UMOD: variants seen among roughly 807,000 people sequenced by gnomAD.
UMOD encodes Tamm-Horsfall urinary glycoprotein.
Under a neutral mutation model 66.0 loss-of-function variants are expected in UMOD, and 64 were observed. That is an observed-to-expected ratio of 0.97 (90% confidence interval 0.79 to 1.19). The LOEUF (loss-of-function observed/expected upper bound fraction) is 1.19, where lower values mean the gene tolerates loss of function less well. UMOD is among the 50% of genes most tolerant of loss of function. The pLI is 0.00. For synonymous variants in UMOD, 398 were observed against 352.7 expected (o/e 1.13, Z -1.44); for missense variants, 764 against 850.9 (o/e 0.90, Z 1.27).
upstream of UMOD, chr16:20,352,968 T>A: frequency 2.7e-6 from 1 of 374,770 alleles, no homozygotes; most frequent in Admixed American, 4.6e-5. Context: ...GTTTCGCACC[T>A]TCTAACAGCA....
chr16:20,350,823 C>G lies in UMOD; in HGVS notation c.-86G>C. On this transcript the variant is annotated 5_prime_UTR_variant, in exon 2 of 11. Transcript: ENST00000396138. ...TGGCCCTTTGAATTTTTCTCTCTGT[C>G]TCTGATGTCTGGTGTCCTGTGAACA... 1 of 1,586,118 alleles carries G rather than the reference C, an allele frequency of 6.3e-7. No individual in the cohort carries two copies. The highest frequency in any genetic ancestry group is 8.6e-7 in the Non-Finnish European group (1 of 1,166,572).
At position 20,346,207 on chromosome 16, in the gene UMOD, C is replaced by T. The variant is rs528844779; in HGVS notation, c.1101G>A (p.Ser367=). Residue 367 remains serine (S), a synonymous_variant, in exon 5 of 11, where the codon TCG becomes TCA. Transcript: ENST00000396138. ...VFMYLSDSRC[S]GFNDRDNRDW... is the part of the protein sequence containing the mutation. The stretch of plus-strand genomic sequence containing the variant: ...CCCGGTTGTCTCTGTCATTGAAGCC[C>T]GAGCACCGGCTGTCACTCAGGTACA... 2.6e-5 allele frequency: 42 copies of T among 1,614,118 alleles called. No homozygotes were observed. The highest frequency in any genetic ancestry group is 8.9e-5 in the East Asian group (4 of 44,890).
rs138117683 is a variant in UMOD at position 20,341,225 on chromosome 16, A to C, written c.1443T>G (p.Thr481=). The C allele has an allele frequency of 1.2e-6, 2 of 1,614,122 alleles. No individual in the cohort carries two copies. Among genetic ancestry groups the C allele is most frequent in the Non-Finnish European group, 1.7e-6 (2 of 1,180,026 alleles). The change falls in exon 7 of 11, where the codon ACT becomes ACG. Residue 481 remains threonine, a synonymous_variant. Coordinates refer to ENST00000396138, the MANE Select transcript of UMOD (RefSeq NM_003361.4). ...TGGTGCCCACGTAGAGAAAAGCCTC[A>C]GTGGACAGTGTCACGGAGGAGCCTT... ...PYQGSSVTLS[T]EAFLYVGTML... is the part of the protein sequence containing the mutation.
intron 5 of UMOD, among the ~76,000 whole-genome samples, chr16:20,345,432 T>TTC (rs1478368774): frequency 0.085 from 5,389 of 63,102 alleles, 143 homozygotes; most frequent in African/African-American, 0.12. Flanking sequence ...TTCTTTCTCT[T>TTC]TCTTTCTTTC....
chr16:20,346,368 T>G, intron 4 of UMOD, 34 bp from the exon 5 acceptor site: 1 of 1,612,152 alleles, frequency 6.2e-7, no homozygotes, highest in Non-Finnish European at 8.5e-7. Flanking sequence ...AGGACGTGTG[T>G]CTATAGCTTG....
At chr16:20,341,360 A>G in intron 6 of UMOD, 24 bp from the exon 7 acceptor site, 1 of 1,611,756 alleles carries the variant, frequency 6.2e-7, no homozygotes, top group African/African-American at 1.3e-5. Context: ...AGGGTTGGTG[A>G]GAGGACCGGG....
chr16:20,345,839 G>C (rs1965552286), intron 5 of UMOD, among the ~76,000 whole-genome samples: 1 of 152,062 alleles, frequency 6.6e-6, no homozygotes, highest in South Asian at 2.1e-4. Context: ...TTTCCCATCT[G>C]TAAAATGGAG....
intron 5 of UMOD, among the ~76,000 whole-genome samples, chr16:20,345,403 TCTTTCTTTC>T (rs1567306414): frequency 2.7e-5 from 3 of 111,754 alleles, no homozygotes; most frequent in African/African-American, 9.6e-5. Context: ...TCTTTTTTTT[TCTTTCTTTC>T]TTTCTTTCTT....
intron 10 of UMOD, 122 bp from the exon 11 acceptor site, chr16:20,333,497 A>G (rs921357990): frequency 7.8e-6 from 7 of 898,032 alleles, no homozygotes; most frequent in Non-Finnish European, 1.1e-5. Context: ...CTGCTCTCCT[A>G]GAAAAAGGAA....
At position 20,348,939 on chromosome 16, in the gene UMOD, T is replaced by C. The variant is rs997687142; in HGVS notation, c.362A>G (p.His121Arg). The change falls in exon 3 of 11, where the codon CAC (histidine) becomes CGC (arginine). Residue 121 changes from histidine (H) to arginine (R), a missense_variant. Coordinates refer to ENST00000396138, the MANE Select transcript of UMOD (RefSeq NM_003361.4). ...CACATTGACACATGTGGCCAGGGCGTGGCAGTGGCTAAGCCCAGGCTCAGC... is the reference window on the plus strand; with the variant it reads ...CACATTGACACATGTGGCCAGGGCGCGGCAGTGGCTAAGCCCAGGCTCAGC... ...ECAEPGLSHC[H>R]ALATCVNVVG... 6.4e-7 allele frequency: 1 copy of C among 1,572,398 alleles called. No individual in the cohort carries two copies. Among genetic ancestry groups the C allele is most frequent in the Admixed American group, 1.8e-5 (1 of 54,194 alleles).
At position 20,350,636 on chromosome 16, in the gene UMOD, C is replaced by T. The variant is rs1211421652; in HGVS notation, c.88+14G>A. The T allele has an allele frequency of 6.2e-7, 1 of 1,614,118 alleles. No individual in the cohort carries two copies. Among genetic ancestry groups the T allele is most frequent in the East Asian group, 2.2e-5 (1 of 44,872 alleles). ...CATACACACATATACAACGCACACA[C>T]ACTTTTCACTTACTTGCTTCTGAGG... On this transcript the variant is annotated intron_variant, in intron 2 of 10. Transcript: ENST00000396138.
rs746734767 is a variant in UMOD at position 20,346,315 on chromosome 16, G to C, written c.993C>G (p.His331Gln). 42 of 1,614,262 alleles carry C rather than the reference G, an allele frequency of 2.6e-5. 1 individual carries two copies. Among genetic ancestry groups the C allele is most frequent in the Non-Finnish European group, 3.4e-5 (40 of 1,180,046 alleles). Residue 331 changes from histidine (H) to glutamine (Q), a missense_variant, in exon 5 of 11, where the codon CAC becomes CAG. Transcript: ENST00000396138. ...FNITDISLLE[H>Q]RLECGANDMK... Reference sequence around the variant, plus strand: ...TGTCATTGGCCCCACATTCCAGCCTGTGCTCCAGGAGGGAGATATCTGAAA... The same window carrying C: ...TGTCATTGGCCCCACATTCCAGCCTCTGCTCCAGGAGGGAGATATCTGAAA...
chr16:20,349,741 C>G (rs1965799184), intron 2 of UMOD: 4 of 1,540,186 alleles, frequency 2.6e-6, no homozygotes, highest in Non-Finnish European at 3.5e-6. Context: ...TGTTGCCCCT[C>G]CCTTTCTTTG....
At chr16:20,352,908 A>G, upstream of UMOD, 2 of 425,060 alleles carry the variant, frequency 4.7e-6, no homozygotes, top group Non-Finnish European at 7.9e-6. Flanking sequence ...AGAGACCCCA[A>G]ATGATTGACA....
At position 20,349,145 on chromosome 16, in the gene UMOD, A is replaced by G. The variant is rs770571423; in HGVS notation, c.156T>C (p.Cys52=). The G allele has an allele frequency of 1.2e-6, 2 of 1,614,138 alleles. No individual in the cohort carries two copies. Among genetic ancestry groups the G allele is most frequent in the African/African-American group, 1.3e-5 (1 of 75,066 alleles). ...GGCCATCGCCGGTGAAGCCCTCCTG[A>G]CAGGTGCACGTCGTAACGGCCTCAT... is the stretch of plus-strand genomic sequence containing the variant. ...TEDEAVTTCT[C]QEGFTGDGLT... Residue 52 remains cysteine (C), a synonymous_variant, in exon 3 of 11, where the codon TGT becomes TGC. Coordinates refer to ENST00000396138, the MANE Select transcript of UMOD (RefSeq NM_003361.4).
At chr16:20,340,991 CAAAAAAAA>C in intron 7 of UMOD, 92 bp downstream of exon 7, 2 of 1,027,734 alleles carry the variant, frequency 1.9e-6, no homozygotes, top group Non-Finnish European at 2.7e-6. Context: ...AAGACTCTGT[CAAAAAAAA>C]AAAAAAAAAA....
chr16:20,349,052 G>A lies in UMOD; in HGVS notation c.249C>T (p.Cys83=), dbSNP rs1449715458. Residue 83 remains cysteine, a synonymous_variant, in exon 3 of 11, where the codon TGC becomes TGT. Transcript: ENST00000396138. ...GAHNCSANSS[C]VNTPGSFSCV... The stretch of plus-strand genomic sequence containing the variant: ...AGGAGAAGGAGCCTGGCGTGTTTAC[G>A]CAGCTGCTGTTGGCGGAGCAGTTGT... The A allele has an allele frequency of 6.2e-7, 1 of 1,606,190 alleles. No homozygotes were observed. Among genetic ancestry groups the A allele is most frequent in the Non-Finnish European group, 8.5e-7 (1 of 1,176,448 alleles).
intron 2 of UMOD, 76 bp downstream of exon 2, chr16:20,350,574 C>T: frequency 1.9e-6 from 3 of 1,559,766 alleles, no homozygotes; most frequent in Admixed American, 3.6e-5. Flanking sequence ...CTGACAGGTG[C>T]TACATTGCTT....
chr16:20,348,616 T>A lies in UMOD; in HGVS notation c.685A>T (p.Met229Leu), dbSNP rs756226236. 5.0e-5 allele frequency: 79 copies of A among 1,585,520 alleles called. No homozygotes were observed. The Middle Eastern group carries it at 1.0e-3, about 20-fold the overall frequency. The change falls in exon 3 of 11, where the codon ATG becomes TTG. Residue 229 changes from methionine to leucine, a missense_variant. Met to Leu is a conservative substitution (Grantham distance 15, BLOSUM62 2). Coordinates refer to ENST00000396138, the MANE Select transcript of UMOD (RefSeq NM_003361.4). ...GACGGATGCGTGCCATTGAGCCACA[T>A]GGGGGCGGCCGTGTTGCAGCGCAGG... Reference protein sequence around the residue: ...PVLRCNTAAPMWLNGTHPSSD... With the variant: ...PVLRCNTAAPLWLNGTHPSSD...
Sources: allele counts gnomAD v4.1 joint callset (sites outside exome capture counted in the v4.1 genomes callset), GRCh38; gene constraint gnomAD v4.1.1; transcripts MANE v1.5; gene names NCBI Gene and HGNC (gene_info 2026-07-23, HGNC 2026-07-21).